LRRC3C: variants seen among roughly 807,000 people sequenced by gnomAD.
The protein encoded by LRRC3C is leucine-rich repeat-containing protein 3C.
Under a neutral mutation model 14.8 loss-of-function variants are expected in LRRC3C, and 11 were observed. That is an observed-to-expected ratio of 0.74 (90% CI 0.47 to 1.23). LRRC3C has a LOEUF of 1.23. LRRC3C is among the 50% of genes most tolerant of loss of function. The pLI is 0.00. For missense variants in LRRC3C, 354 were observed against 361.8 expected, an observed-to-expected ratio of 0.98 and a Z score of 0.18; for synonymous variants, 149 against 161.5, an observed-to-expected ratio of 0.92 and a Z score of 0.59.
In LRRC3C at chr17:39,943,985, G is replaced by A. The variant is rs1386929255; in HGVS notation, c.79G>A (p.Gly27Ser). 13 of 1,536,130 alleles carry A rather than the reference G, an allele frequency of 8.5e-6. No individual in the cohort carries two copies. Among genetic ancestry groups the A allele is most frequent in the Non-Finnish European group, 9.6e-6 (11 of 1,146,886 alleles). Residue 27 changes from glycine (G) to serine (S), a missense_variant, in exon 4 of 4, where the codon GGT becomes AGT. Coordinates refer to ENST00000377924, the MANE Select transcript of LRRC3C (RefSeq NM_001195545.2). ...ATTTATGGCCATGCTCCCAACAGCAGGTCACCTCCTGCCCCTCCTGCTGGT... is the reference window on the plus strand; with the variant it reads ...ATTTATGGCCATGCTCCCAACAGCAAGTCACCTCCTGCCCCTCCTGCTGGT... ...CQFMAMLPTA[G>S]HLLPLLLVIG...
intron 1 of LRRC3C, 23 bp downstream of exon 1, chr17:39,927,837 G>C: frequency 7.1e-6 from 7 of 985,512 alleles, no homozygotes; most frequent in Non-Finnish European, 8.4e-6. Flanking sequence ...TCCAACTTTT[G>C]CTTCTGTGCC....
rs1384130326 is a variant in LRRC3C, at chr17:39,930,280, A to G, written c.-175+2466A>G. ...GCAGCAGAGTGAGATCCTGTCTCAA[A>G]AAAAAAAAAAAAAAAAAAGGAAAAA... On this transcript the variant is annotated intron_variant, in intron 1 of 3. Coordinates refer to ENST00000377924, the MANE Select transcript of LRRC3C (RefSeq NM_001195545.2). 3.2e-4 allele frequency among the ~76,000 whole-genome samples: 31 copies of G among 97,532 alleles called. No individual in the cohort carries two copies. In the South Asian group the frequency reaches 7.4e-3, roughly 23 times the overall value. 64.0% of individuals were successfully genotyped at this position (97,532 alleles called of 152,430 possible).
intron 1 of LRRC3C, among the ~76,000 whole-genome samples, chr17:39,934,228 C>A (rs1002508752): frequency 6.6e-6 from 1 of 152,184 alleles, no homozygotes; most frequent in African/African-American, 2.4e-5. Context: ...CAGGGAGGTA[C>A]CTTAGGAACC....
intron 2 of LRRC3C, 40 bp downstream of exon 2, chr17:39,935,934 C>G (rs1299588432): frequency 1.1e-5 from 10 of 943,300 alleles, no homozygotes; most frequent in African/African-American, 1.8e-5. Flanking sequence ...TATCTATCTA[C>G]CTACCTATCT....
At position 39,944,887 on chromosome 17, in the gene LRRC3C, TTCTC is replaced by T. The variant is rs149734401; in HGVS notation, c.*167_*170del. ...TATTCCCCCTAAATACCTGTGCTGG[TTCTC>T]TCTCTCTCTCTCTGTGTCGTCTTAA... On this transcript the variant is annotated 3_prime_UTR_variant, in exon 4 of 4. Transcript: ENST00000377924. 185 of 636,566 alleles carry T rather than the reference TTCTC, an allele frequency of 2.9e-4. No individual in the cohort carries two copies. The highest frequency in any genetic ancestry group is 8.5e-4 in the South Asian group (41 of 48,012). 39.4% of individuals were successfully genotyped at this position (636,566 alleles called of 1,614,324 possible).
Position 39,929,310 on chromosome 17 carries a change from A to G in LRRC3C, c.-175+1496A>G, listed in dbSNP as rs537557626. The G allele has an allele frequency of 3.3e-5, 5 of 152,356 alleles. 1 individual carries two copies. The South Asian group carries it at 1.0e-3, about 32-fold the overall frequency. The allele number at this position is 152,356 out of a possible 1,614,324, so 9.4% of individuals were successfully genotyped here. On this transcript the variant is annotated intron_variant, in intron 1 of 3. Transcript: ENST00000377924. The stretch of plus-strand genomic sequence containing the variant: ...TCTCAAATAAGGTTCTGACTAATGC[A>G]GAGTCTAACAGAAAGATTACTGAAC...
intron 1 of LRRC3C, among the ~76,000 whole-genome samples, chr17:39,930,184 G>A (rs188757139): frequency 6.7e-6 from 1 of 148,872 alleles, no homozygotes; most frequent in Admixed American, 6.8e-5. Context: ...AGGCTGAGGT[G>A]GGAGGATCAA....
intron 2 of LRRC3C, among the ~76,000 whole-genome samples, chr17:39,940,701 C>T (rs759724247): frequency 5.3e-5 from 8 of 151,868 alleles, no homozygotes; most frequent in East Asian, 3.9e-4. Flanking sequence ...CCTTGGCCTC[C>T]GAAAGTGCTG....
chr17:39,938,703 A>C (rs966471083), intron 2 of LRRC3C, among the ~76,000 whole-genome samples: 6 of 152,034 alleles, frequency 3.9e-5, no homozygotes, highest in African/African-American at 1.2e-4. Flanking sequence ...CTCAAAAAAA[A>C]AGGCTGGTGC....
chr17:39,941,181 C>G (rs1978927923), intron 2 of LRRC3C, among the ~76,000 whole-genome samples: 1 of 151,776 alleles, frequency 6.6e-6, no homozygotes, highest in African/African-American at 2.4e-5. Flanking sequence ...GAAACCCTGT[C>G]TCTACTAAAA....
At chr17:39,929,973 GACAA>G (rs1978600849) in intron 1 of LRRC3C, among the ~76,000 whole-genome samples, 1 of 152,024 alleles carries the variant, frequency 6.6e-6, no homozygotes. Flanking sequence ...AGAAAATTAG[GACAA>G]ACACCCAATT....
At chr17:39,941,720 G>A (rs749598416) in intron 3 of LRRC3C, among the ~76,000 whole-genome samples, 171 bp downstream of exon 3, 6 of 152,156 alleles carry the variant, frequency 3.9e-5, no homozygotes, top group Non-Finnish European at 7.3e-5. Context: ...AGGCACAGAG[G>A]TAAGAGCTGC....
intron 1 of LRRC3C, among the ~76,000 whole-genome samples, chr17:39,932,341 T>G (rs1359587192): frequency 1.3e-5 from 2 of 152,240 alleles, no homozygotes; most frequent in Non-Finnish European, 2.9e-5. Context: ...TGCCTTTTAT[T>G]AATTCATTCC....
rs1979033982 is a variant in LRRC3C at position 39,944,539 on chromosome 17, G to GCC, written c.633_634insCC (p.Ser212ProfsTer23). ...TGGCAGGGGAGGAAGAGCTGTGTGG[G>GCC]TCGGGGTGGGGTGGGGCCCGGAGGA... On this transcript the variant is annotated frameshift_variant, in exon 4 of 4. Transcript: ENST00000377924. LOFTEE classifies it high-confidence loss of function. The GCC allele has an allele frequency of 6.6e-7, 1 of 1,511,196 alleles. No homozygotes were observed. The highest frequency in any genetic ancestry group is 8.8e-7 in the Non-Finnish European group (1 of 1,133,238). 93.6% of individuals were successfully genotyped at this position (1,511,196 alleles called of 1,614,324 possible).
intron 1 of LRRC3C, among the ~76,000 whole-genome samples, chr17:39,930,396 TAAAAA>T (rs34932103): frequency 0.062 from 3,012 of 48,524 alleles, 190 homozygotes; most frequent in African/African-American, 0.18. Context: ...AAACTGACTT[TAAAAA>T]AAAAAAAAAA....
Position 39,944,902 on chromosome 17 carries a change from T to C in LRRC3C, c.*168T>C, listed in dbSNP as rs188838307. On this transcript the variant is annotated 3_prime_UTR_variant, in exon 4 of 4. Coordinates refer to ENST00000377924, the MANE Select transcript of LRRC3C (RefSeq NM_001195545.2). Reference sequence around the variant, plus strand: ...CCTGTGCTGGTTCTCTCTCTCTCTCTCTGTGTCGTCTTAACCAACACCATC... The same window carrying C: ...CCTGTGCTGGTTCTCTCTCTCTCTCCCTGTGTCGTCTTAACCAACACCATC... Among the ~76,000 whole-genome samples, 50 of 150,736 alleles carry C rather than the reference T, an allele frequency of 3.3e-4. No homozygotes were observed. The highest frequency in any genetic ancestry group is 1.2e-3 in the African/African-American group (50 of 41,160).
At chr17:39,940,868 A>G (rs1490645456) in intron 2 of LRRC3C, among the ~76,000 whole-genome samples, 2 of 152,028 alleles carry the variant, frequency 1.3e-5, no homozygotes, top group Non-Finnish European at 2.9e-5. Flanking sequence ...CAGCCTCCCA[A>G]ATAGCTGGGA....
chr17:39,943,323 G>A (rs540876473), intron 3 of LRRC3C, among the ~76,000 whole-genome samples: 1 of 152,336 alleles, frequency 6.6e-6, no homozygotes, highest in Admixed American at 6.5e-5. Context: ...GAATGGAGGA[G>A]GACGGGGAGG....
intron 1 of LRRC3C, 87 bp downstream of exon 1, chr17:39,927,901 T>C (rs1978529611): frequency 7.2e-6 from 7 of 976,988 alleles, no homozygotes; most frequent in Non-Finnish European, 7.3e-6. Flanking sequence ...GACTCGGACT[T>C]GTAAGTAACT....
Sources: allele counts gnomAD v4.1 joint callset (sites outside exome capture counted in the v4.1 genomes callset), GRCh38; gene constraint gnomAD v4.1.1; transcripts MANE v1.5; gene names NCBI Gene and HGNC (gene_info 2026-07-23, HGNC 2026-07-21).